DACH2: variants seen among roughly 807,000 people sequenced by gnomAD.
DACH2 encodes the protein dachshund homolog 2.
DACH2 carries 17 observed loss-of-function variants against 35.8 expected under a neutral mutation model. That is an observed-to-expected ratio of 0.48 (90% CI 0.33 to 0.71). The LOEUF (loss-of-function observed/expected upper bound fraction) is 0.71, where lower values mean the gene tolerates loss of function less well. Ranked by LOEUF, DACH2 falls within the 30% of genes least tolerant of loss-of-function variation. DACH2 has a pLI of 0.02. For missense variants in DACH2, 469 were observed against 472.7 expected (o/e 0.99, Z 0.07); for synonymous variants, 195 against 177.3 (o/e 1.10, Z -0.79).
At chrX:86,160,723 T>C in intron 1 of DACH2, 1 of 466,224 alleles carries the variant, frequency 2.1e-6, no homozygotes, top group African/African-American at 2.4e-5. Context: ...TAAAGCTTTA[T>C]TTCATTTCAC....
At chrX:86,601,117 C>A (rs1192363294) in intron 3 of DACH2, among the ~76,000 whole-genome samples, 1 of 111,141 alleles carries the variant, frequency 9.0e-6, no homozygotes, top group Non-Finnish European at 1.9e-5. Flanking sequence ...ATATTCCTCT[C>A]TGTACCCCAG....
At chrX:86,499,326 T>A (rs913760871) in intron 2 of DACH2, among the ~76,000 whole-genome samples, 3 of 111,441 alleles carry the variant, frequency 2.7e-5, no homozygotes, top group African/African-American at 9.8e-5. Flanking sequence ...TAAGTTCCCA[T>A]AACCCATTCC....
At chrX:86,325,858 T>C (rs1201654474) in intron 1 of DACH2, among the ~76,000 whole-genome samples, 2 of 111,736 alleles carry the variant, frequency 1.8e-5, no homozygotes, top group Non-Finnish European at 3.8e-5. Context: ...TAGATAGATA[T>C]GGGTTTGATC....
chrX:86,800,275 A>G (rs2042279468), intron 7 of DACH2, among the ~76,000 whole-genome samples: 1 of 112,055 alleles, frequency 8.9e-6, no homozygotes, highest in Non-Finnish European at 1.9e-5. Context: ...CTAGGAACTC[A>G]AAAGTGTTTC....
chrX:86,404,757 C>T (rs1339341878), intron 2 of DACH2, among the ~76,000 whole-genome samples: 5 of 112,444 alleles, frequency 4.4e-5, no homozygotes, highest in African/African-American at 1.6e-4. Flanking sequence ...TGTGTGGGGG[C>T]TCCAACCCCA....
intron 4 of DACH2, among the ~76,000 whole-genome samples, chrX:86,675,375 A>G (rs2040814082): frequency 8.9e-6 from 1 of 111,807 alleles, no homozygotes; most frequent in Non-Finnish European, 1.9e-5. Flanking sequence ...CCATTTATTT[A>G]TAATTGCAAC....
intron 3 of DACH2, among the ~76,000 whole-genome samples, chrX:86,610,414 TTTCTTTTC>T (rs1353527450): frequency 1.1e-3 from 88 of 76,848 alleles, no homozygotes; most frequent in East Asian, 4.6e-3. Flanking sequence ...TCTTTCTTTC[TTTCTTTTC>T]TTTCTTTCTT....
intron 5 of DACH2, among the ~76,000 whole-genome samples, chrX:86,705,481 T>C (rs1359117105): frequency 1.8e-5 from 2 of 110,934 alleles, no homozygotes; most frequent in Non-Finnish European, 3.8e-5. Context: ...ACCAAGAGCA[T>C]ATGAGAAAAT....
intron 1 of DACH2, among the ~76,000 whole-genome samples, chrX:86,318,529 A>G (rs188267597): frequency 2.7e-5 from 3 of 111,915 alleles, no homozygotes; most frequent in Admixed American, 9.5e-5. Flanking sequence ...ATTGGCTTAC[A>G]ATAACCCAAC....
chrX:86,636,998 T>TAAAC (rs2040274625), intron 3 of DACH2, among the ~76,000 whole-genome samples: 1 of 46,539 alleles, frequency 2.1e-5, no homozygotes, highest in African/African-American at 8.4e-5. Context: ...ATAATAAACT[T>TAAAC]AAACAAATTT....
chrX:86,606,603 C>A (rs914545625), intron 3 of DACH2, among the ~76,000 whole-genome samples: 1 of 107,361 alleles, frequency 9.3e-6, no homozygotes. Context: ...TGTTTTGTGA[C>A]CTAACATGTT....
At chrX:86,473,578 A>AT (rs929940261) in intron 2 of DACH2, among the ~76,000 whole-genome samples, 22 of 109,632 alleles carry the variant, frequency 2.0e-4, no homozygotes, top group South Asian at 7.7e-4. Context: ...CATGAGTTCA[A>AT]TTTTTTTTTA....
intron 1 of DACH2, among the ~76,000 whole-genome samples, chrX:86,238,478 C>T (rs1287613409): frequency 1.8e-5 from 2 of 111,958 alleles, no homozygotes; most frequent in Non-Finnish European, 3.8e-5. Context: ...GGTAGTTTTT[C>T]ATAGTTATAA....
Position 86,310,830 on chromosome X carries a change from G to T in DACH2, c.489-65994G>T, listed in dbSNP as rs149303251. Among the ~76,000 whole-genome samples, 336 of 111,568 alleles carry T rather than the reference G, an allele frequency of 3.0e-3. 1 individual carries two copies. Among genetic ancestry groups the T allele is most frequent in the African/African-American group, 0.01 (322 of 30,683 alleles). On this transcript the variant is annotated intron_variant, in intron 1 of 11. Coordinates refer to ENST00000373125, the MANE Select transcript of DACH2 (RefSeq NM_053281.3). ...TGCTCACCAACAGGTGACCTCAGTG[G>T]AGGAGGAGTTTAATAATCAAGTGGA...
chrX:86,199,463 G>A (rs1429791682), intron 1 of DACH2, among the ~76,000 whole-genome samples: 1 of 111,640 alleles, frequency 9.0e-6, no homozygotes, highest in African/African-American at 3.3e-5. Flanking sequence ...TAGGAAGAGA[G>A]GAAGCCAAGC....
chrX:86,229,023 G>A (rs1005726638), intron 1 of DACH2, among the ~76,000 whole-genome samples: 76 of 111,452 alleles, frequency 6.8e-4, no homozygotes, highest in African/African-American at 2.4e-3. Context: ...TGGCTTTTTG[G>A]TCATGAACTC....
intron 3 of DACH2, among the ~76,000 whole-genome samples, chrX:86,616,416 A>C (rs948405156): frequency 2.7e-5 from 3 of 111,814 alleles, no homozygotes; most frequent in Non-Finnish European, 5.6e-5. Flanking sequence ...CCTTTTCTCC[A>C]CAAGCTCACC....
intron 1 of DACH2, chrX:86,304,746 T>C (rs2034645630): frequency 6.2e-6 from 1 of 162,213 alleles, no homozygotes; most frequent in Non-Finnish European, 1.3e-5. Context: ...TCAGATGGGG[T>C]GGTAGAATGC....
intron 2 of DACH2, among the ~76,000 whole-genome samples, chrX:86,424,647 C>A (rs780142109): frequency 9.0e-6 from 1 of 111,292 alleles, no homozygotes; most frequent in East Asian, 2.8e-4. Flanking sequence ...TAACTTCTTC[C>A]TTTTCAATTT....
Sources: allele counts gnomAD v4.1 joint callset (sites outside exome capture counted in the v4.1 genomes callset), GRCh38; gene constraint gnomAD v4.1.1; transcripts MANE v1.5; gene names NCBI Gene and HGNC (gene_info 2026-07-23, HGNC 2026-07-21).